The following PHACTR3 variants were observed in gnomAD, a reference collection of about 807,000 sequenced individuals.
PHACTR3 encodes phosphatase and actin regulator 3.
PHACTR3 carries 16 observed loss-of-function variants against 66.8 expected under a neutral mutation model. The ratio of observed to expected loss-of-function variants is 0.24; its 90% CI spans 0.16 to 0.36. The LOEUF (loss-of-function observed/expected upper bound fraction) is 0.36, where lower values mean the gene tolerates loss of function less well. Among genes scored for constraint, PHACTR3 ranks in the 10% least tolerant of loss-of-function variants. PHACTR3 has a pLI of 1.00. For missense variants in PHACTR3, 647 were observed against 719.9 expected (o/e 0.90, Z 1.16); for synonymous variants, 323 against 292.1 (o/e 1.11, Z -1.08).
intron 8 of PHACTR3, among the ~76,000 whole-genome samples, chr20:59,812,828 G>A (rs927085392): frequency 6.6e-6 from 1 of 152,198 alleles, no homozygotes; most frequent in Non-Finnish European, 1.5e-5. Flanking sequence ...GGCAGGTGCA[G>A]TGCTGATTGC....
chr20:59,615,582 C>A (rs950506307), intron 1 of PHACTR3, among the ~76,000 whole-genome samples: 4 of 152,214 alleles, frequency 2.6e-5, no homozygotes, highest in African/African-American at 7.2e-5. Context: ...ATTCTCCAGA[C>A]CTCCGTGGCC....
At position 59,687,283 on chromosome 20, in the gene PHACTR3, G is replaced by C. The variant is rs554525615; in HGVS notation, c.119-55824G>C. Among the ~76,000 whole-genome samples, 9 of 152,184 alleles carry C rather than the reference G, an allele frequency of 5.9e-5. No homozygotes were observed. The East Asian group carries it at 9.7e-4, about 16-fold the overall frequency. ...GATGATGGTGATGATGATCATAGTGGTGTTGGTGATGATAATGGTGGTGGT... is the reference window on the plus strand; with the variant it reads ...GATGATGGTGATGATGATCATAGTGCTGTTGGTGATGATAATGGTGGTGGT... On this transcript the variant is annotated intron_variant, in intron 1 of 12. Transcript: ENST00000371015.
At chr20:59,722,594 C>T (rs2146684545) in intron 1 of PHACTR3, among the ~76,000 whole-genome samples, 1 of 152,240 alleles carries the variant, frequency 6.6e-6, no homozygotes, top group East Asian at 1.9e-4. Context: ...GACGGCAAGG[C>T]CTGCTGTGCA....
In PHACTR3 at chr20:59,788,185, T is replaced by C. The variant is rs557088773; in HGVS notation, c.1174+13695T>C. ...ATTCTCATAGCTTAGCTCCCACACA[T>C]AAGTGAGAACATACGATGTTTGGTT... On this transcript the variant is annotated intron_variant, in intron 7 of 12. Transcript: ENST00000371015. 6.1e-4 allele frequency among the ~76,000 whole-genome samples: 93 copies of C among 152,262 alleles called. 1 individual carries two copies. Among genetic ancestry groups the C allele is most frequent in the South Asian group, 5.2e-3 (25 of 4,812 alleles).
chr20:59,797,837 G>C (rs148751600), intron 7 of PHACTR3, among the ~76,000 whole-genome samples: 2 of 151,736 alleles, frequency 1.3e-5, no homozygotes, highest in African/African-American at 4.8e-5. Context: ...ACTTGGTCAT[G>C]GTGTATCACA....
At chr20:59,823,972 C>T (rs558029024) in intron 8 of PHACTR3, among the ~76,000 whole-genome samples, 1 of 152,352 alleles carries the variant, frequency 6.6e-6, no homozygotes, top group African/African-American at 2.4e-5. Context: ...TGTGGCCAGG[C>T]AGTTCTGAAA....
At chr20:59,768,562 C>A (rs747737812) in intron 5 of PHACTR3, among the ~76,000 whole-genome samples, 1 of 152,222 alleles carries the variant, frequency 6.6e-6, no homozygotes, top group Non-Finnish European at 1.5e-5. Context: ...CTCCCCTCTG[C>A]GATCTCACCT....
In PHACTR3 at chr20:59,763,122, G is replaced by C. The variant is rs76212819; in HGVS notation, c.542-4064G>C. On this transcript the variant is annotated intron_variant, in intron 4 of 12. Coordinates refer to ENST00000371015, the MANE Select transcript of PHACTR3 (RefSeq NM_080672.5). ...AGGTGGAGGCAATTGAATCACAGGG[G>C]GGCAGTTTCCTCCATGCTATTCTCA... Among the ~76,000 whole-genome samples the C allele has an allele frequency of 8.0e-3, 1,225 of 152,238 alleles. 11 individuals carry two copies. The highest frequency in any genetic ancestry group is 0.027 in the African/African-American group (1,134 of 41,524).
At chr20:59,728,298 T>C (rs550874544) in intron 1 of PHACTR3, among the ~76,000 whole-genome samples, 2 of 152,254 alleles carry the variant, frequency 1.3e-5, no homozygotes, top group South Asian at 4.2e-4. Context: ...GCTTTCTTCC[T>C]GGTAAGAGCG....
At chr20:59,708,386 C>T (rs1308169215) in intron 1 of PHACTR3, among the ~76,000 whole-genome samples, 1 of 152,202 alleles carries the variant, frequency 6.6e-6, no homozygotes, top group Non-Finnish European at 1.5e-5. Context: ...ACATATCCTC[C>T]ACAATCACAG....
chr20:59,838,934 CAG>C (rs751596337), intron 9 of PHACTR3, among the ~76,000 whole-genome samples: 6 of 151,898 alleles, frequency 4.0e-5, no homozygotes, highest in Non-Finnish European at 8.8e-5. Flanking sequence ...AGGTCTCCAA[CAG>C]AGCGCCTGGC....
intron 1 of PHACTR3, among the ~76,000 whole-genome samples, chr20:59,650,034 T>G (rs948576573): frequency 6.6e-6 from 1 of 152,200 alleles, no homozygotes; most frequent in African/African-American, 2.4e-5. Context: ...TACTAGGCTC[T>G]AGATATAAAA....
chr20:59,653,477 C>T (rs1366256860), intron 1 of PHACTR3, among the ~76,000 whole-genome samples: 1 of 152,168 alleles, frequency 6.6e-6, no homozygotes, highest in Non-Finnish European at 1.5e-5. Flanking sequence ...AGCCACTGCA[C>T]TCGGCTGTGA....
chr20:59,608,232 C>G (rs1568930608), intron 1 of PHACTR3, among the ~76,000 whole-genome samples: 1 of 152,140 alleles, frequency 6.6e-6, no homozygotes, highest in East Asian at 1.9e-4. Context: ...TTAAATCTCC[C>G]ATGGCCGGGT....
At chr20:59,784,361 A>C (rs2040834824) in intron 7 of PHACTR3, among the ~76,000 whole-genome samples, 1 of 152,104 alleles carries the variant, frequency 6.6e-6, no homozygotes, top group Admixed American at 6.5e-5. Flanking sequence ...ATGTACAAAC[A>C]TGTATGTGTA....
At chr20:59,628,899 G>A in intron 1 of PHACTR3, 5 of 796,888 alleles carry the variant, frequency 6.3e-6, no homozygotes, top group Non-Finnish European at 7.6e-6. Flanking sequence ...ACTCACGTGG[G>A]GGTTGCAGAG....
At chr20:59,826,636 C>G (rs2042199707) in intron 8 of PHACTR3, among the ~76,000 whole-genome samples, 1 of 152,086 alleles carries the variant, frequency 6.6e-6, no homozygotes, top group Non-Finnish European at 1.5e-5. Context: ...CATACCCACT[C>G]TCCCACACAC....
chr20:59,600,552 A>G (rs2033447507), upstream of PHACTR3, among the ~76,000 whole-genome samples: 1 of 152,160 alleles, frequency 6.6e-6, no homozygotes, highest in South Asian at 2.1e-4. Flanking sequence ...GGGGTGCCTC[A>G]TACATGCGCT....
At chr20:59,670,301 A>G (rs1018492008) in intron 1 of PHACTR3, among the ~76,000 whole-genome samples, 1 of 152,158 alleles carries the variant, frequency 6.6e-6, no homozygotes, top group African/African-American at 2.4e-5. Flanking sequence ...GGGCAGGGCA[A>G]TGGGTGCAGA....
Sources: allele counts gnomAD v4.1 joint callset (sites outside exome capture counted in the v4.1 genomes callset), GRCh38; gene constraint gnomAD v4.1.1; transcripts MANE v1.5; gene names NCBI Gene and HGNC (gene_info 2026-07-23, HGNC 2026-07-21).